The following NTAN1 variants were observed in gnomAD, a reference collection of about 807,000 sequenced individuals.
NTAN1 encodes N-terminal asparagine amidase, also known as protein N-terminal asparagine amidohydrolase.
Under a neutral mutation model 41.9 loss-of-function variants are expected in NTAN1, and 32 were observed. The ratio of observed to expected loss-of-function variants is 0.76; its 90% confidence interval spans 0.58 to 1.03. The LOEUF is 1.03. NTAN1 is among the 50% of genes least tolerant of loss of function. The pLI is 0.00. For missense variants in NTAN1, 377 were observed against 377.5 expected (o/e 1.00, Z 0.01); for synonymous variants, 140 against 139.5 (o/e 1.00, Z -0.03).
At chr16:15,055,022 C>G (rs1038110663) in intron 1 of NTAN1, among the ~76,000 whole-genome samples, 1 of 152,128 alleles carries the variant, frequency 6.6e-6, no homozygotes, top group Admixed American at 6.5e-5. Flanking sequence ...AGAAACCATT[C>G]TCCCTTCTAG....
rs1567750336 is a variant in NTAN1 at position 15,038,174 on chromosome 16, A to AGTGGGGT, written c.783_789dup (p.Phe264ThrfsTer5). On this transcript the variant is annotated frameshift_variant, in exon 10 of 10. Coordinates refer to ENST00000287706, the MANE Select transcript of NTAN1 (RefSeq NM_173474.4). LOFTEE classifies it high-confidence loss of function. ...AAGGTAGATCTAATATGTTCAACAA[A>AGTGGGGT]GTGGGGTGGCTCAGCCAGAGGCGAA... The AGTGGGGT allele has an allele frequency of 6.2e-7, 1 of 1,613,546 alleles. No individual in the cohort carries two copies. The highest frequency in any genetic ancestry group is 1.1e-5 in the South Asian group (1 of 90,884).
chr16:15,038,732 A>G (rs1444142968), intron 8 of NTAN1, 45 bp from the exon 9 acceptor site: 1 of 1,050,238 alleles, frequency 9.5e-7, no homozygotes, highest in Non-Finnish European at 1.5e-6. Flanking sequence ...AATGTCACCC[A>G]CTTTTCAAAC....
In NTAN1 at chr16:15,038,594, C is replaced by T. The variant is rs1467436745; in HGVS notation, c.733G>A (p.Asp245Asn). Residue 245 changes from aspartate to asparagine, a missense_variant, in exon 9 of 10, where the codon GAT (aspartate) becomes AAT (asparagine). Coordinates refer to ENST00000287706, the MANE Select transcript of NTAN1 (RefSeq NM_173474.4). Reference sequence around the variant, plus strand: ...CTCACCTCTAGTATTTGCTTGTCATCTTGGTGCAACCAGAAATCCACATGT... The same window carrying T: ...CTCACCTCTAGTATTTGCTTGTCATTTTGGTGCAACCAGAAATCCACATGT... ...FPHVDFWLHQ[D>N]DKQILENLST... 6.3e-7 allele frequency: 1 copy of T among 1,597,062 alleles called. No individual in the cohort carries two copies. Among genetic ancestry groups the T allele is most frequent in the African/African-American group, 1.3e-5 (1 of 74,520 alleles).
At chr16:15,048,732 T>TA (rs2151718626) in intron 1 of NTAN1, among the ~76,000 whole-genome samples, 1 of 152,272 alleles carries the variant, frequency 6.6e-6, no homozygotes, top group South Asian at 2.1e-4. Flanking sequence ...CAAGCGATCC[T>TA]ACCACCTTAG....
chr16:15,042,724 A>AT (rs2043874165), intron 5 of NTAN1, among the ~76,000 whole-genome samples: 2 of 133,416 alleles, frequency 1.5e-5, no homozygotes, highest in African/African-American at 3.2e-5. Flanking sequence ...TGAACTATTT[A>AT]TTTATTTATT....
intron 5 of NTAN1, among the ~76,000 whole-genome samples, chr16:15,042,748 A>ATTTATTTAT (rs2043877057): frequency 6.7e-6 from 1 of 149,728 alleles, no homozygotes. Flanking sequence ...TTATTTATTT[A>ATTTATTTAT]TTGAGACGAA....
chr16:15,055,162 G>A (rs920620616), intron 1 of NTAN1, among the ~76,000 whole-genome samples: 1 of 152,096 alleles, frequency 6.6e-6, no homozygotes, highest in African/African-American at 2.4e-5. Context: ...CAAATAGGAC[G>A]TCTGCCCCCG....
intron 7 of NTAN1, among the ~76,000 whole-genome samples, chr16:15,040,730 G>A (rs960156213): frequency 1.3e-5 from 2 of 152,160 alleles, no homozygotes; most frequent in South Asian, 4.1e-4. Context: ...AGCACTGGCA[G>A]GAGAAAAGCA....
intron 4 of NTAN1, 30 bp from the exon 5 acceptor site, chr16:15,044,437 C>T: frequency 6.9e-7 from 1 of 1,449,630 alleles, no homozygotes; most frequent in African/African-American, 1.4e-5. Flanking sequence ...GGTCAGAGGC[C>T]AGAAGAAGAC....
intron 4 of NTAN1, among the ~76,000 whole-genome samples, chr16:15,046,325 G>A (rs937372190): frequency 6.6e-6 from 1 of 152,188 alleles, no homozygotes. Flanking sequence ...CTCAATGGCT[G>A]CCTTAGACTT....
Position 15,047,689 on chromosome 16 carries a change from G to T in NTAN1, c.251-139C>A, listed in dbSNP as rs538657025. ...AAAACGGACAGGTCTGTGCTCCCCA[G>T]CCAACCCATTCTGACCAGGACACCA... is the stretch of plus-strand genomic sequence containing the variant. On this transcript the variant is annotated intron_variant, in intron 3 of 9. Coordinates refer to ENST00000287706, the MANE Select transcript of NTAN1 (RefSeq NM_173474.4). 7 of 903,820 alleles carry T rather than the reference G, an allele frequency of 7.7e-6. No homozygotes were observed. In the South Asian group the frequency reaches 9.7e-5, roughly 13 times the overall value. The allele number at this position is 903,820 out of a possible 1,614,324, so 56.0% of individuals were successfully genotyped here.
intron 1 of NTAN1, among the ~76,000 whole-genome samples, chr16:15,049,180 C>T (rs2044201039): frequency 6.6e-6 from 1 of 151,660 alleles, no homozygotes; most frequent in South Asian, 2.1e-4. Context: ...AGGCACACAC[C>T]GCCACACCTG....
chr16:15,044,688 A>G, intron 4 of NTAN1: 1 of 501,068 alleles, frequency 2.0e-6, no homozygotes, highest in Non-Finnish European at 3.6e-6. Context: ...TTGCTCTGGA[A>G]GAGCACAGGC....
chr16:15,038,012 C>G lies in NTAN1; in HGVS notation c.*19G>C. On this transcript the variant is annotated 3_prime_UTR_variant, in exon 10 of 10. Coordinates refer to ENST00000287706, the MANE Select transcript of NTAN1 (RefSeq NM_173474.4). Reference sequence around the variant, plus strand: ...GTCTGTCAGGCCAAGAAGGTGCTTTCTTTGGTAATTCATGTTTTTTAACTT... The same window carrying G: ...GTCTGTCAGGCCAAGAAGGTGCTTTGTTTGGTAATTCATGTTTTTTAACTT... The G allele has an allele frequency of 6.3e-7, 1 of 1,599,714 alleles. No homozygotes were observed. The highest frequency in any genetic ancestry group is 8.5e-7 in the Non-Finnish European group (1 of 1,170,770).
intron 1 of NTAN1, among the ~76,000 whole-genome samples, chr16:15,055,218 C>G (rs944757305): frequency 3.3e-5 from 5 of 152,212 alleles, no homozygotes; most frequent in African/African-American, 9.7e-5. Context: ...CCCTTGCCAA[C>G]AGTCCCTGCA....
intron 4 of NTAN1, 78 bp downstream of exon 4, chr16:15,047,364 T>G (rs2044116815): frequency 1.0e-5 from 10 of 955,640 alleles, no homozygotes; most frequent in Non-Finnish European, 1.7e-5. Context: ...TGTGTTCCCC[T>G]AACAGCTTCC....
intron 1 of NTAN1, among the ~76,000 whole-genome samples, chr16:15,049,393 A>T (rs2044209828): frequency 6.6e-6 from 1 of 151,996 alleles, no homozygotes; most frequent in South Asian, 2.1e-4. Flanking sequence ...CTAAGGAAAT[A>T]ACTCAAAATA....
At chr16:15,038,368 T>C (rs2043640015) in intron 9 of NTAN1, 158 bp from the exon 10 acceptor site, 1 of 582,746 alleles carries the variant, frequency 1.7e-6, no homozygotes, top group South Asian at 2.3e-5. Context: ...GTTGATTGCT[T>C]ACTGCTTTAC....
intron 5 of NTAN1, among the ~76,000 whole-genome samples, chr16:15,041,983 C>T (rs2043836769): frequency 6.6e-6 from 1 of 152,166 alleles, no homozygotes; most frequent in Admixed American, 6.5e-5. Context: ...AAGATTTTTA[C>T]TTTTCTCCTA....
Sources: gnomAD v4.1 joint callset for allele counts (sites outside exome capture counted in the v4.1 genomes callset) on GRCh38, gnomAD v4.1.1 for gene constraint, MANE v1.5 for transcripts, NCBI Gene and HGNC (gene_info 2026-07-23, HGNC 2026-07-21) for gene names.